The following CDK17 variants were observed in gnomAD, a reference collection of about 807,000 sequenced individuals.
The protein encoded by CDK17 is cyclin dependent kinase 17.
A neutral mutation model predicts 77.6 loss-of-function variants in CDK17; 24 were observed. That is an observed-to-expected ratio of 0.31 (90% CI 0.22 to 0.44). CDK17 has a LOEUF of 0.44. Ranked by LOEUF, CDK17 falls within the 20% of genes least tolerant of loss-of-function variation. The probability of loss-of-function intolerance (pLI) is 1.00; values close to 1 mark genes in which losing one functional copy is unlikely to be tolerated. For synonymous variants in CDK17, 203 were observed against 210.4 expected (o/e 0.96, Z 0.30); for missense variants, 429 against 622.5 (o/e 0.69, Z 3.31).
At chr12:96,294,935 T>G in intron 10 of CDK17, 64 bp downstream of exon 10, 2 of 1,383,024 alleles carry the variant, frequency 1.4e-6, no homozygotes, top group Non-Finnish European at 2.0e-6. Flanking sequence ...TGACAGTGGT[T>G]GATCTTTTAA....
At position 96,310,199 on chromosome 12, in the gene CDK17, A is replaced by G. The variant is rs148569132; in HGVS notation, c.543+853T>C. Among the ~76,000 whole-genome samples, 113 of 152,280 alleles carry G rather than the reference A, an allele frequency of 7.4e-4. 2 individuals are homozygous for G. In the East Asian group the frequency reaches 0.02, roughly 27 times the overall value. ...TAGGGCTGAAACTCACAAACATAAC[A>G]CTGAACAAAAGAAGCTAACAACAAA... On this transcript the variant is annotated intron_variant, in intron 5 of 16. Coordinates refer to ENST00000261211, the MANE Select transcript of CDK17 (RefSeq NM_002595.5).
At chr12:96,399,730 A>G (rs1023826193) in intron 1 of CDK17, among the ~76,000 whole-genome samples, 7 of 151,976 alleles carry the variant, frequency 4.6e-5, no homozygotes, top group Non-Finnish European at 1.0e-4. Flanking sequence ...CCTCCTGGGA[A>G]GCAGCTCGCA....
At chr12:96,326,595 T>C (rs996643617) in intron 2 of CDK17, among the ~76,000 whole-genome samples, 3 of 152,360 alleles carry the variant, frequency 2.0e-5, no homozygotes, top group East Asian at 1.9e-4. Flanking sequence ...AACTTTAACA[T>C]GCTTCAGAAT....
intron 15 of CDK17, 54 bp downstream of exon 15, chr12:96,282,455 T>C (rs1952189866): frequency 1.6e-6 from 2 of 1,213,960 alleles, no homozygotes; most frequent in Non-Finnish European, 2.5e-6. Context: ...CCCCAGACCC[T>C]AACCTTGGAC....
At chr12:96,380,538 C>A (rs1264470814) in intron 1 of CDK17, among the ~76,000 whole-genome samples, 1 of 152,170 alleles carries the variant, frequency 6.6e-6, no homozygotes, top group Admixed American at 6.5e-5. Flanking sequence ...ATCCACCCGC[C>A]TCAGCCTCCT....
At chr12:96,368,776 G>C (rs958674646) in intron 1 of CDK17, among the ~76,000 whole-genome samples, 3 of 129,848 alleles carry the variant, frequency 2.3e-5, no homozygotes, top group South Asian at 2.7e-4. Flanking sequence ...TTCCTTGGAA[G>C]AGGAAATTTA....
chr12:96,343,191 A>G (rs1377901702), intron 1 of CDK17, among the ~76,000 whole-genome samples: 4 of 152,352 alleles, frequency 2.6e-5, no homozygotes, highest in African/African-American at 9.6e-5. Context: ...ACAACCAGTA[A>G]ACTGGAAAAA....
chr12:96,313,588 C>T (rs1223563798), intron 3 of CDK17, 134 bp from the exon 4 acceptor site: 7 of 451,718 alleles, frequency 1.5e-5, no homozygotes, highest in Non-Finnish European at 2.6e-5. Context: ...CTGGGTGCCA[C>T]AGGTATGCAG....
intron 14 of CDK17, among the ~76,000 whole-genome samples, chr12:96,282,966 C>T (rs1952195563): frequency 1.3e-5 from 2 of 152,048 alleles, no homozygotes; most frequent in African/African-American, 4.8e-5. Context: ...TCATTCTTAA[C>T]GACCTATCCA....
intron 5 of CDK17, among the ~76,000 whole-genome samples, chr12:96,307,630 G>T (rs1224896846): frequency 6.6e-6 from 1 of 152,116 alleles, no homozygotes; most frequent in East Asian, 1.9e-4. Flanking sequence ...CAACACTGTG[G>T]GAGGCTGAGG....
chr12:96,291,610 T>A (rs1184437163), intron 10 of CDK17, among the ~76,000 whole-genome samples: 4 of 148,738 alleles, frequency 2.7e-5, no homozygotes, highest in Non-Finnish European at 5.9e-5. Context: ...TTTTTTATAG[T>A]CCTTGACATT....
intron 11 of CDK17, among the ~76,000 whole-genome samples, chr12:96,287,404 G>A (rs529230964): frequency 2.0e-5 from 3 of 152,076 alleles, no homozygotes; most frequent in Admixed American, 6.6e-5. Flanking sequence ...TAAAGGGCTC[G>A]TAATCTAGCA....
At chr12:96,280,408 C>T (rs1565800394) in intron 16 of CDK17, 129 bp from the exon 17 acceptor site, 1 of 1,469,250 alleles carries the variant, frequency 6.8e-7, no homozygotes, top group African/African-American at 1.4e-5. Context: ...GTGATCAGCA[C>T]TGTCTTAAAT....
intron 2 of CDK17, among the ~76,000 whole-genome samples, chr12:96,325,289 A>G (rs1952878037): frequency 6.6e-6 from 1 of 152,186 alleles, no homozygotes; most frequent in South Asian, 2.1e-4. Context: ...ATACCTCCTG[A>G]TCAGGGGATT....
chr12:96,301,565 G>A (rs1471574295), intron 5 of CDK17, among the ~76,000 whole-genome samples: 1 of 152,106 alleles, frequency 6.6e-6, no homozygotes, highest in Admixed American at 6.5e-5. Flanking sequence ...CCCCTTTATA[G>A]ATAATGGAAA....
intron 7 of CDK17, among the ~76,000 whole-genome samples, chr12:96,298,066 G>A (rs571804246): frequency 2.6e-5 from 4 of 152,244 alleles, no homozygotes; most frequent in South Asian, 2.1e-4. Flanking sequence ...CAAGGCGGGC[G>A]GATCGTGAGG....
At chr12:96,342,553 T>C (rs10745757) in intron 1 of CDK17, among the ~76,000 whole-genome samples, 131,077 of 152,118 alleles carry the variant, frequency 0.86, 56,465 homozygotes, top group African/African-American at 0.86. Context: ...CAGAGCAAGA[T>C]GCCATGTCAA....
At chr12:96,399,831 C>T (rs1239312336) in intron 1 of CDK17, among the ~76,000 whole-genome samples, 155 bp downstream of exon 1, 14 of 152,104 alleles carry the variant, frequency 9.2e-5, no homozygotes, top group Admixed American at 5.9e-4. Context: ...GCTAGCCCCC[C>T]GCGCCGCGCC....
intron 1 of CDK17, among the ~76,000 whole-genome samples, chr12:96,372,006 T>A (rs779776208): frequency 2.6e-4 from 4 of 15,460 alleles, no homozygotes; most frequent in Admixed American, 6.9e-4. Context: ...TGAGTGAGTG[T>A]GTGTTTGTGT....
Sources: gnomAD v4.1 joint callset for allele counts (sites outside exome capture counted in the v4.1 genomes callset) on GRCh38, gnomAD v4.1.1 for gene constraint, MANE v1.5 for transcripts, NCBI Gene and HGNC (gene_info 2026-07-23, HGNC 2026-07-21) for gene names.